Variants in STPG2 observed in about 807,000 individuals in gnomAD.
STPG2 encodes the protein sperm tail PG-rich repeat containing 2, also known as sperm-tail PG-rich repeat-containing protein 2.
STPG2 carries 56 observed loss-of-function variants against 54.2 expected under a neutral mutation model. The observed-to-expected ratio is 1.03, with a 90% CI of 0.83 to 1.29. The LOEUF (loss-of-function observed/expected upper bound fraction) is 1.29, where lower values mean the gene tolerates loss of function less well. STPG2 is among the 50% of genes most tolerant of loss of function. The pLI is 0.00. For missense variants in STPG2, 596 were observed against 544.9 expected, an observed-to-expected ratio of 1.09 and a Z score of -0.93; for synonymous variants, 200 against 181.8, an observed-to-expected ratio of 1.10 and a Z score of -0.81.
At chr4:97,585,907 A>G (rs1732986942) in intron 10 of STPG2, among the ~76,000 whole-genome samples, 1 of 151,902 alleles carries the variant, frequency 6.6e-6, no homozygotes, top group Admixed American at 6.6e-5. Flanking sequence ...ACCCAGACAA[A>G]ATAGAAAAAA....
chr4:97,843,038 C>A (rs1728847256), intron 8 of STPG2, among the ~76,000 whole-genome samples: 1 of 151,820 alleles, frequency 6.6e-6, no homozygotes, highest in South Asian at 2.1e-4. Flanking sequence ...CCTAAATGAG[C>A]TGAATACCAT....
chr4:98,142,639 GTC>G (rs906604722), intron 1 of STPG2, among the ~76,000 whole-genome samples: 23 of 152,060 alleles, frequency 1.5e-4, no homozygotes, highest in African/African-American at 5.1e-4. Context: ...ATAAATAAAT[GTC>G]TCTGGTTAAT....
At chr4:97,694,721 G>A (rs1723504524) in intron 10 of STPG2, among the ~76,000 whole-genome samples, 1 of 146,500 alleles carries the variant, frequency 6.8e-6, no homozygotes, top group Non-Finnish European at 1.5e-5. Flanking sequence ...GCTGAGGCAG[G>A]AGAATGGTGT....
chr4:97,855,700 T>C (rs1057037557), intron 8 of STPG2, among the ~76,000 whole-genome samples: 3 of 152,216 alleles, frequency 2.0e-5, no homozygotes, highest in Non-Finnish European at 2.9e-5. Flanking sequence ...TTGGCTTTTG[T>C]TGAAATTGCT....
chr4:97,466,060 A>G (rs1729781644), intron 4 of STPG2, among the ~76,000 whole-genome samples: 1 of 152,114 alleles, frequency 6.6e-6, no homozygotes, highest in African/African-American at 2.4e-5. Context: ...GTTTGCTTCT[A>G]CAAGGTTCCA....
At position 98,013,580 on chromosome 4, in the gene STPG2, C is replaced by CT. The variant is rs34198207; in HGVS notation, c.613-32263dup. ...GGCTGTGAATCCATCTGGTCCTGGG[C>CT]TTTTTTTTTTTTTTTTTTTTTTTTT... On this transcript the variant is annotated intron_variant, in intron 5 of 10. Coordinates refer to ENST00000295268, the MANE Select transcript of STPG2 (RefSeq NM_174952.3). Among the ~76,000 whole-genome samples, 319 of 74,592 alleles carry CT rather than the reference C, an allele frequency of 4.3e-3. 28 individuals carry two copies. Among genetic ancestry groups the CT allele is most frequent in the East Asian group, 0.018 (37 of 2,024 alleles). The allele number at this position is 74,592 out of a possible 152,430, so 48.9% of individuals were successfully genotyped here. A position where few individuals can be genotyped will look rare whatever the true frequency, so the allele number is the denominator to read the frequency against.
At chr4:97,775,452 A>C (rs2149065870) in intron 9 of STPG2, among the ~76,000 whole-genome samples, 1 of 152,320 alleles carries the variant, frequency 6.6e-6, no homozygotes, top group African/African-American at 2.4e-5. Flanking sequence ...AAATAAAAAT[A>C]AAATAAAAAC....
At chr4:97,984,421 A>G (rs944231501) in intron 5 of STPG2, among the ~76,000 whole-genome samples, 1 of 152,200 alleles carries the variant, frequency 6.6e-6, no homozygotes, top group Admixed American at 6.5e-5. Context: ...TTGGGATTAC[A>G]GGCATGAACC....
At chr4:97,721,141 C>T (rs185316335) in intron 9 of STPG2, among the ~76,000 whole-genome samples, 1 of 151,958 alleles carries the variant, frequency 6.6e-6, no homozygotes, top group Non-Finnish European at 1.5e-5. Context: ...TAGGCAAGCA[C>T]GTATAGCAAG....
Position 97,487,903 on chromosome 4 carries a change from A to G in STPG2, c.462+224796T>C, listed in dbSNP as rs530948045. On this transcript the variant is annotated intron_variant, in intron 4 of 4. Transcript: ENST00000522676. ...TAAAAGGTCATAAAAAGTAATTTGC[A>G]ATTTATTTTAATTATATAATATTTC... Among the ~76,000 whole-genome samples the G allele has an allele frequency of 2.5e-4, 38 of 151,620 alleles. 1 individual carries two copies. The highest frequency in any genetic ancestry group is 5.9e-4 in the Admixed American group (9 of 15,146).
chr4:97,709,922 A>G (rs1463045037), intron 10 of STPG2, among the ~76,000 whole-genome samples: 2 of 151,858 alleles, frequency 1.3e-5, no homozygotes, highest in African/African-American at 4.8e-5. Flanking sequence ...GAAAATCCTG[A>G]TTTTCCATTT....
intron 4 of STPG2, among the ~76,000 whole-genome samples, chr4:97,513,838 C>T (rs542224304): frequency 6.6e-6 from 1 of 152,138 alleles, no homozygotes; most frequent in East Asian, 1.9e-4. Context: ...TGACAGTTTT[C>T]ATGATAAGAA....
intron 10 of STPG2, among the ~76,000 whole-genome samples, chr4:97,577,804 A>G (rs1416826858): frequency 6.6e-6 from 1 of 152,106 alleles, no homozygotes; most frequent in Non-Finnish European, 1.5e-5. Flanking sequence ...TTCTCTTAAC[A>G]CTAATTATAA....
intron 5 of STPG2, among the ~76,000 whole-genome samples, chr4:98,011,145 T>C (rs1320140152): frequency 6.6e-6 from 1 of 152,038 alleles, no homozygotes; most frequent in Non-Finnish European, 1.5e-5. Context: ...AGTGTGTGTT[T>C]TTCCCCTCCC....
In STPG2 at chr4:97,519,134, T is replaced by C. The variant is rs1222116302; in HGVS notation, c.462+193565A>G. Among the ~76,000 whole-genome samples the C allele has an allele frequency of 2.6e-5, 4 of 152,080 alleles. No individual in the cohort carries two copies. The East Asian group carries it at 7.7e-4, about 29-fold the overall frequency. ...CCGAATAATTTAAAATAATAATAAT[T>C]ACAGAGCTGCCAATACAGATGGGAG... On this transcript the variant is annotated intron_variant, in intron 4 of 4. Transcript: ENST00000522676.
chr4:97,795,378 G>A (rs1727133403), intron 9 of STPG2, among the ~76,000 whole-genome samples: 1 of 152,140 alleles, frequency 6.6e-6, no homozygotes, highest in Non-Finnish European at 1.5e-5. Flanking sequence ...CCCAGTGTGT[G>A]ATGTTACCCT....
At chr4:98,089,392 T>G (rs1429860022) in intron 5 of STPG2, among the ~76,000 whole-genome samples, 3 of 152,114 alleles carry the variant, frequency 2.0e-5, no homozygotes, top group Non-Finnish European at 4.4e-5. Flanking sequence ...TTGTTCCTTT[T>G]TGTTGCTATG....
At chr4:98,138,274 T>C (rs1740188459) in intron 1 of STPG2, among the ~76,000 whole-genome samples, 4 of 151,966 alleles carry the variant, frequency 2.6e-5, no homozygotes, top group Admixed American at 2.6e-4. Context: ...GATGGTAGAG[T>C]TTGATATGGG....
chr4:97,709,396 C>T (rs1296300806), intron 10 of STPG2, among the ~76,000 whole-genome samples: 1 of 151,442 alleles, frequency 6.6e-6, no homozygotes, highest in African/African-American at 2.4e-5. Context: ...CTTATATTGT[C>T]CTACCCAATT....
Sources: gnomAD v4.1 joint callset for allele counts (sites outside exome capture counted in the v4.1 genomes callset) on GRCh38, gnomAD v4.1.1 for gene constraint, MANE v1.5 for transcripts, NCBI Gene and HGNC (gene_info 2026-07-23, HGNC 2026-07-21) for gene names.